Variants in TRIL observed in about 807,000 individuals in gnomAD.
The protein encoded by TRIL is TLR4 interactor with leucine rich repeats.
A neutral mutation model predicts 43.0 loss-of-function variants in TRIL; 23 were observed. The ratio of observed to expected loss-of-function variants is 0.54; its 90% CI spans 0.39 to 0.76. The LOEUF (loss-of-function observed/expected upper bound fraction) is 0.76. TRIL is among the 30% of genes least tolerant of loss of function. The pLI, the probability that TRIL is intolerant of heterozygous loss-of-function variation, is 0.00. For missense variants in TRIL, 1,114 were observed against 1,139.3 expected (o/e 0.98, Z 0.32); for synonymous variants, 602 against 556.8 (o/e 1.08, Z -1.14).
chr7:28,956,729 TCTC>T lies in TRIL; in HGVS notation c.1315_1317del (p.Glu439del). On this transcript the variant is annotated inframe_deletion, in exon 1 of 1. Transcript: ENST00000539664. ...TCCGCGAGACCTGCAGGTGGCGTCATCTCCTCCCCTGCGGCCGTGGGTAGGGGC... is the reference window on the plus strand; with the variant it reads ...TCCGCGAGACCTGCAGGTGGCGTCATCTCCCCTGCGGCCGTGGGTAGGGGC... 1 of 1,604,146 alleles carries T rather than the reference TCTC, an allele frequency of 6.2e-7. No homozygotes were observed. Among genetic ancestry groups the T allele is most frequent in the Non-Finnish European group, 8.5e-7 (1 of 1,178,032 alleles).
chr7:28,956,950 C>A lies in TRIL; in HGVS notation c.1097G>T (p.Arg366Leu). 1 of 1,593,818 alleles carries A rather than the reference C, an allele frequency of 6.3e-7. No homozygotes were observed. Residue 366 changes from arginine to leucine, a missense_variant, in exon 1 of 1, where the codon CGG becomes CTG. Arg to Leu is a moderately radical substitution (Grantham distance 102). Transcript: ENST00000539664. ...CATCCAGCGCTTCAGGCCTCGCAGC[C>A]GGCAGTCGCAGGTCCAGCCGTTGCC... ...LDGNGWTCDC[R>L]LRGLKRWMGD...
In TRIL at chr7:28,957,472, C is replaced by T. The variant is rs751295953; in HGVS notation, c.575G>A (p.Arg192His). Residue 192 changes from arginine to histidine, a missense_variant, in exon 1 of 1, where the codon CGC becomes CAC. By Grantham distance (29) the Arg-to-His change is conservative. Coordinates refer to ENST00000539664, the MANE Select transcript of TRIL (RefSeq NM_014817.4). Reference protein sequence around the residue: ...LYLHLESNRIRFLGKNAFAQL... With the variant: ...LYLHLESNRIHFLGKNAFAQL... ...GGCGAAGGCGTTCTTGCCCAGAAAG[C>T]GGATCCGGTTGGACTCCAGATGTAG... 31 of 1,613,188 alleles carry T rather than the reference C, an allele frequency of 1.9e-5. No homozygotes were observed. Among genetic ancestry groups the T allele is most frequent in the Non-Finnish European group, 2.5e-5 (30 of 1,179,874 alleles).
In TRIL at chr7:28,955,610, C is replaced by T; in HGVS notation, c.*1G>A. 3 of 1,534,468 alleles carry T rather than the reference C, an allele frequency of 2.0e-6. No individual in the cohort carries two copies. The highest frequency in any genetic ancestry group is 2.6e-6 in the Non-Finnish European group (3 of 1,142,358). On this transcript the variant is annotated 3_prime_UTR_variant, in exon 1 of 1. Transcript: ENST00000539664. ...TGAGATGGTCTCTATATGCCCTGGA[C>T]CTAGTCGGCAAATCGCTGCAGGAGA...
Position 28,954,591 on chromosome 7 carries a change from C to G in TRIL, c.*1020G>C, listed in dbSNP as rs1258725557. 6.6e-6 allele frequency: 1 copy of G among 152,320 alleles called. No individual in the cohort carries two copies. Among genetic ancestry groups the G allele is most frequent in the Non-Finnish European group, 1.5e-5 (1 of 68,036 alleles). 9.4% of individuals were successfully genotyped at this position (152,320 alleles called of 1,614,324 possible). ...TAACCTTCATTGCTTAACTGCAACT[C>G]AAGAGAATTAGGGCACAGTCAACCA... On this transcript the variant is annotated 3_prime_UTR_variant, in exon 1 of 1. Transcript: ENST00000539664.
Position 28,958,098 on chromosome 7 carries a change from C to T in TRIL, c.-52G>A, listed in dbSNP as rs1264064019. The T allele has an allele frequency of 6.8e-6, 10 of 1,463,324 alleles. No individual in the cohort carries two copies. The highest frequency in any genetic ancestry group is 9.0e-6 in the Non-Finnish European group (10 of 1,112,306). The allele number at this position is 1,463,324 out of a possible 1,614,324, so 90.6% of individuals were successfully genotyped here. A position where few individuals can be genotyped will look rare whatever the true frequency, so the allele number is the denominator to read the frequency against. ...GGATCGTCCTCTTGGCCCGCCGGCT[C>T]TGTGTCTCCTCTGCATTCCCCTTAG... On this transcript the variant is annotated 5_prime_UTR_variant, in exon 1 of 1. Transcript: ENST00000539664.
In TRIL at chr7:28,956,036, G is replaced by A; in HGVS notation, c.2011C>T (p.Pro671Ser). 1 of 1,549,622 alleles carries A rather than the reference G, an allele frequency of 6.5e-7. No homozygotes were observed. Among genetic ancestry groups the A allele is most frequent in the Non-Finnish European group, 8.7e-7 (1 of 1,152,210 alleles). The change falls in exon 1 of 1, where the codon CCT becomes TCT. Residue 671 changes from proline (P) to serine (S), a missense_variant. Coordinates refer to ENST00000539664, the MANE Select transcript of TRIL (RefSeq NM_014817.4). The stretch of plus-strand genomic sequence containing the variant: ...GCGCAGTGGTCCCGGGGAGCCACAG[G>A]GCAGACACGGCCCCCAAGCACGCCC... ...VEGVLGGRVC[P>S]VAPRDHCAGL... is the part of the protein sequence containing the mutation.
At position 28,955,717 on chromosome 7, in the gene TRIL, G is replaced by C. The variant is rs1402697063; in HGVS notation, c.2330C>G (p.Ala777Gly). The C allele has an allele frequency of 6.5e-7, 1 of 1,550,082 alleles. No homozygotes were observed. Among genetic ancestry groups the C allele is most frequent in the Non-Finnish European group, 8.7e-7 (1 of 1,146,936 alleles). Residue 777 changes from alanine to glycine, a missense_variant, in exon 1 of 1, where the codon GCG (alanine) becomes GGG (glycine). Transcript: ENST00000539664. ...PRTTVCALSE[A>G]DLIEFPCDRF... ...GTCGCAGGGGAATTCGATGAGGTCCGCCTCACTGAGCGCGCACACGGTGGT... is the reference window on the plus strand; with the variant it reads ...GTCGCAGGGGAATTCGATGAGGTCCCCCTCACTGAGCGCGCACACGGTGGT...
chr7:28,954,213 A>C lies in TRIL; in HGVS notation c.*1398T>G, dbSNP rs752889251. 2.0e-5 allele frequency: 3 copies of C among 152,592 alleles called. No homozygotes were observed. Among genetic ancestry groups the C allele is most frequent in the Non-Finnish European group, 2.9e-5 (2 of 68,044 alleles). 9.5% of individuals were successfully genotyped at this position (152,592 alleles called of 1,614,324 possible). A position where few individuals can be genotyped will look rare whatever the true frequency, so the allele number is the denominator to read the frequency against. On this transcript the variant is annotated 3_prime_UTR_variant, in exon 1 of 1. Transcript: ENST00000539664. ...TGTACTTCATAAATAGCAGGGAATG[A>C]AAGTATCCCAAATAGTTGGAAACAA...
chr7:28,957,071 G>C lies in TRIL; in HGVS notation c.976C>G (p.Arg326Gly), dbSNP rs1410968155. ...TTGCGCAGGCTGAGCTCGCGCAGCC[G>C]GCCCAGGTGGCCGAAGGTGGCCGGG... ...LHPATFGHLGRLRELSLRNNA... is the reference protein window; with the variant it reads ...LHPATFGHLGGLRELSLRNNA... Residue 326 changes from arginine (R) to glycine (G), a missense_variant, in exon 1 of 1, where the codon CGG becomes GGG. Physicochemically the swap from Arg to Gly is moderately radical, Grantham distance 125 (BLOSUM62 -2). Coordinates refer to ENST00000539664, the MANE Select transcript of TRIL (RefSeq NM_014817.4). 3 of 1,573,706 alleles carry C rather than the reference G, an allele frequency of 1.9e-6. No individual in the cohort carries two copies. The highest frequency in any genetic ancestry group is 2.6e-6 in the Non-Finnish European group (3 of 1,163,064).
rs1482820002 is a variant in TRIL, at chr7:28,953,591, G to A, written c.*2020C>T. On this transcript the variant is annotated 3_prime_UTR_variant, in exon 1 of 1. Transcript: ENST00000539664. Reference sequence around the variant, plus strand: ...TGCTGGGCAAAAGAAATAGCTAGGAGATGCAATAGTGCTATGATTGAAAAA... The same window carrying A: ...TGCTGGGCAAAAGAAATAGCTAGGAAATGCAATAGTGCTATGATTGAAAAA... The A allele has an allele frequency of 2.0e-5, 3 of 152,234 alleles. No individual in the cohort carries two copies. The highest frequency in any genetic ancestry group is 3.8e-4 in the East Asian group (2 of 5,196). The allele number at this position is 152,234 out of a possible 1,614,324, so 9.4% of individuals were successfully genotyped here.
At position 28,956,007 on chromosome 7, in the gene TRIL, C is replaced by T; in HGVS notation, c.2040G>A (p.Gly680=). 2 of 1,551,458 alleles carry T rather than the reference C, an allele frequency of 1.3e-6. No individual in the cohort carries two copies. The highest frequency in any genetic ancestry group is 1.2e-5 in the South Asian group (1 of 84,596). ...CPVAPRDHCA[G]LVTLPEAGSR... is the part of the protein sequence containing the mutation. The stretch of plus-strand genomic sequence containing the variant: ...TCCCGGCCTCCGGTAGGGTGACCAG[C>T]CCCGCGCAGTGGTCCCGGGGAGCCA... The change falls in exon 1 of 1, where the codon GGG becomes GGA. Residue 680 remains glycine (G), a synonymous_variant. Coordinates refer to ENST00000539664, the MANE Select transcript of TRIL (RefSeq NM_014817.4).
chr7:28,957,605 G>T lies in TRIL; in HGVS notation c.442C>A (p.Arg148Ser), dbSNP rs1424567591. Residue 148 changes from arginine to serine, a missense_variant, in exon 1 of 1, where the codon CGC becomes AGC. Transcript: ENST00000539664. ...CTCTCCAGGCCCTCGAAGGAGCCGC[G>T]GCTTAGGCGGCTGATCTCGTTCCCG... ...ANGNEISRLS[R>S]GSFEGLESLV... The T allele has an allele frequency of 4.3e-6, 7 of 1,611,474 alleles. No individual in the cohort carries two copies. In the Admixed American group the frequency reaches 1.2e-4, roughly 27 times the overall value.
Position 28,957,282 on chromosome 7 carries a change from G to T in TRIL, c.765C>A (p.Leu255=). 6.2e-7 allele frequency: 1 copy of T among 1,611,004 alleles called. No individual in the cohort carries two copies. ...GPRIFQHLPR[L]GLLSLRGNQL... The stretch of plus-strand genomic sequence containing the variant: ...GGTTGCCCCTGAGCGAGAGCAGGCC[G>T]AGACGTGGCAGGTGCTGGAAGATGC... Residue 255 remains leucine, a synonymous_variant, in exon 1 of 1, where the codon CTC becomes CTA. Transcript: ENST00000539664.
At position 28,957,021 on chromosome 7, in the gene TRIL, C is replaced by T. The variant is rs1783415410; in HGVS notation, c.1026G>A (p.Gly342=). Residue 342 remains glycine, a synonymous_variant, in exon 1 of 1, where the codon GGG becomes GGA. Transcript: ENST00000539664. ...GGGCTGGGCTGGCGGCGAAGATGTC[C>T]CCGGATAGGGCGCTGAGCGCGTTGT... The part of the protein sequence containing the change: ...LRNNALSALS[G]DIFAASPALY... 1 of 1,581,530 alleles carries T rather than the reference C, an allele frequency of 6.3e-7. No homozygotes were observed. The highest frequency in any genetic ancestry group is 8.6e-7 in the Non-Finnish European group (1 of 1,166,042).
In TRIL at chr7:28,958,273, T is replaced by A; in HGVS notation, c.-227A>T. 2 of 542,070 alleles carry A rather than the reference T, an allele frequency of 3.7e-6. No individual in the cohort carries two copies. Among genetic ancestry groups the A allele is most frequent in the Non-Finnish European group, 6.4e-6 (2 of 312,360 alleles). 33.6% of individuals were successfully genotyped at this position (542,070 alleles called of 1,614,324 possible). A position where few individuals can be genotyped will look rare whatever the true frequency, so the allele number is the denominator to read the frequency against. On this transcript the variant is annotated 5_prime_UTR_variant, in exon 1 of 1. Coordinates refer to ENST00000539664, the MANE Select transcript of TRIL (RefSeq NM_014817.4). ...CGCGGGGCGCTCTGCAGACCCCGGG[T>A]ACTACTTGTTGCATTTCTGTATAAA... is the stretch of plus-strand genomic sequence containing the variant.
chr7:28,956,156 G>A lies in TRIL; in HGVS notation c.1891C>T (p.Pro631Ser). The change falls in exon 1 of 1, where the codon CCC (proline) becomes TCC (serine). Residue 631 changes from proline (P) to serine (S), a missense_variant. Transcript: ENST00000539664. ...AGGTAGACGAAGCGGTGGAACTTGGGCTGCTGGCCAAAGCGGTCAAAGAGC... is the reference window on the plus strand; with the variant it reads ...AGGTAGACGAAGCGGTGGAACTTGGACTGCTGGCCAAAGCGGTCAAAGAGC... ...RLLFDRFGQQ[P>S]KFHRFVYLPE... 6.4e-7 allele frequency: 1 copy of A among 1,574,388 alleles called. No homozygotes were observed. The highest frequency in any genetic ancestry group is 8.6e-7 in the Non-Finnish European group (1 of 1,161,664).
Position 28,957,720 on chromosome 7 carries a change from C to T in TRIL, c.327G>A (p.Leu109=), listed in dbSNP as rs1314401707. ...HPKTFEKLSR[L]EELYLGNNLL... ...GGTTGTTCCCCAGGTACAGCTCTTC[C>T]AGCCGCGAGAGCTTCTCGAAGGTCT... Residue 109 remains leucine (L), a synonymous_variant, in exon 1 of 1, where the codon CTG becomes CTA. Coordinates refer to ENST00000539664, the MANE Select transcript of TRIL (RefSeq NM_014817.4). The T allele has an allele frequency of 5.6e-6, 9 of 1,612,604 alleles. No individual in the cohort carries two copies. Among genetic ancestry groups the T allele is most frequent in the Non-Finnish European group, 7.6e-6 (9 of 1,179,310 alleles).
rs2128114619 is a variant in TRIL at position 28,957,919 on chromosome 7, T to C, written c.128A>G (p.Asn43Ser). ...CTTGGGCACTACGCGGAGCCCCCTG[T>C]TGGTGCACAGGAGATGCTGGGGATG... ...CQHPQHLLCT[N>S]RGLRVVPKTS... is the part of the protein sequence containing the mutation. Residue 43 changes from asparagine to serine, a missense_variant, in exon 1 of 1, where the codon AAC (asparagine) becomes AGC (serine). Coordinates refer to ENST00000539664, the MANE Select transcript of TRIL (RefSeq NM_014817.4). 6.2e-7 allele frequency: 1 copy of C among 1,611,750 alleles called. No individual in the cohort carries two copies. The highest frequency in any genetic ancestry group is 2.2e-5 in the East Asian group (1 of 44,858).
chr7:28,955,552 G>A lies in TRIL; in HGVS notation c.*59C>T. ...GGCACTTCCCCTGAGGTGGGCTGGT[G>A]GGCCTCACGGAGAGGCGGCTCCTTA... On this transcript the variant is annotated 3_prime_UTR_variant, in exon 1 of 1. Transcript: ENST00000539664. 1 of 1,448,596 alleles carries A rather than the reference G, an allele frequency of 6.9e-7. No homozygotes were observed. Among genetic ancestry groups the A allele is most frequent in the South Asian group, 1.4e-5 (1 of 69,576 alleles). 89.7% of individuals were successfully genotyped at this position (1,448,596 alleles called of 1,614,324 possible).
Sources: allele counts gnomAD v4.1 joint callset, GRCh38; gene constraint gnomAD v4.1.1; transcripts MANE v1.5; gene names NCBI Gene and HGNC (gene_info 2026-07-23, HGNC 2026-07-21).